Variants in PTPRQ observed in about 807,000 individuals in gnomAD.
PTPRQ encodes protein tyrosine phosphatase receptor type Q, also known as phosphatidylinositol phosphatase PTPRQ.
A neutral mutation model predicts 246.0 loss-of-function variants in PTPRQ; 199 were observed. The observed-to-expected ratio is 0.81, with a 90% CI of 0.72 to 0.91. PTPRQ has a LOEUF of 0.91. PTPRQ is among the 40% of genes least tolerant of loss of function. The pLI is 0.00. For synonymous variants in PTPRQ, 869 were observed against 853.2 expected (o/e 1.02, Z -0.32); for missense variants, 2,624 against 2,528.4 (o/e 1.04, Z -0.81).
At chr12:80,643,925 C>A (rs948383375) in intron 35 of PTPRQ, among the ~76,000 whole-genome samples, 1 of 152,162 alleles carries the variant, frequency 6.6e-6, no homozygotes, top group Non-Finnish European at 1.5e-5. Flanking sequence ...CACCAATTGA[C>A]AAATTTGAGA....
chr12:80,510,336 C>T lies in PTPRQ; in HGVS notation c.2571C>T (p.Pro857=). ...CTAACTTTACAGCTCCTGATTCTCC[C>T]CCTCAAGACTTCTCTGTAAAACAGT... The part of the protein sequence containing the change: ...ILTEEDAPDS[P]PQDFSVKQLS... Residue 857 remains proline, a synonymous_variant, in exon 17 of 45, where the codon CCC becomes CCT. Coordinates refer to ENST00000644991, the MANE Select transcript of PTPRQ (RefSeq NM_001145026.2). 6.5e-7 allele frequency: 1 copy of T among 1,544,724 alleles called. No homozygotes were observed. The highest frequency in any genetic ancestry group is 8.7e-7 in the Non-Finnish European group (1 of 1,143,540).
chr12:80,571,051 T>C (rs906599406), intron 25 of PTPRQ, among the ~76,000 whole-genome samples: 10 of 152,218 alleles, frequency 6.6e-5, no homozygotes, highest in Non-Finnish European at 1.3e-4. Flanking sequence ...TGCTAAGGAT[T>C]GTCTTTGCTA....
rs879824236 is a variant in PTPRQ, at chr12:80,500,848, A to G, written c.2272+4317A>G. Among the ~76,000 whole-genome samples, 33 of 152,034 alleles carry G rather than the reference A, an allele frequency of 2.2e-4. 1 individual carries two copies. The highest frequency in any genetic ancestry group is 2.9e-5 in the Non-Finnish European group (2 of 67,990). ...ATCAGAAAATTAGACATTAGAAAATAAATCAGTAAACAAATTTGTGATTTT... is the reference window on the plus strand; with the variant it reads ...ATCAGAAAATTAGACATTAGAAAATGAATCAGTAAACAAATTTGTGATTTT... On this transcript the variant is annotated intron_variant, in intron 14 of 44. Coordinates refer to ENST00000644991, the MANE Select transcript of PTPRQ (RefSeq NM_001145026.2).
chr12:80,641,111 C>T (rs1899839414), intron 35 of PTPRQ, among the ~76,000 whole-genome samples: 1 of 152,202 alleles, frequency 6.6e-6, no homozygotes, highest in Admixed American at 6.5e-5. Context: ...TGGCATATTT[C>T]ATGGAAACGT....
Position 80,546,655 on chromosome 12 carries a change from A to T in PTPRQ, c.3973A>T (p.Asn1325Tyr), listed in dbSNP as rs1231528344. The T allele has an allele frequency of 6.4e-7, 1 of 1,551,510 alleles. No individual in the cohort carries two copies. The highest frequency in any genetic ancestry group is 2.4e-5 in the East Asian group (1 of 40,868). The change falls in exon 24 of 45, where the codon AAT (asparagine) becomes TAT (tyrosine). Residue 1325 changes from asparagine to tyrosine, a missense_variant. Coordinates refer to ENST00000644991, the MANE Select transcript of PTPRQ (RefSeq NM_001145026.2). Reference sequence around the variant, plus strand: ...TGCGTTCACCAAAGTTGGAAATGGCAATCAATTTAGTAATGTAGTAAAATT... The same window carrying T: ...TGCGTTCACCAAAGTTGGAAATGGCTATCAATTTAGTAATGTAGTAAAATT... The part of the protein sequence containing the change: ...VSAFTKVGNG[N>Y]QFSNVVKFTT...
rs1010410835 is a variant in PTPRQ at position 80,613,792 on chromosome 12, G to A, written c.5119G>A (p.Ala1707Thr). 3 of 1,541,862 alleles carry A rather than the reference G, an allele frequency of 1.9e-6. No homozygotes were observed. The African/African-American group carries it at 4.1e-5, about 21-fold the overall frequency. The change falls in exon 29 of 45, where the codon GCA becomes ACA. Residue 1707 changes from alanine to threonine, a missense_variant. Coordinates refer to ENST00000644991, the MANE Select transcript of PTPRQ (RefSeq NM_001145026.2). ...IIQKTNTFVIAMLEGLKGGHT... is the reference protein window; with the variant it reads ...IIQKTNTFVITMLEGLKGGHT... ...ACAGAAAACCAACACATTCGTCATT[G>A]CAATGCTAGAAGGACTAAAAGGTGG... is the stretch of plus-strand genomic sequence containing the variant.
intron 14 of PTPRQ, among the ~76,000 whole-genome samples, chr12:80,504,886 CCT>C (rs1369437452): frequency 6.6e-6 from 1 of 151,886 alleles, no homozygotes; most frequent in Non-Finnish European, 1.5e-5. Flanking sequence ...TCCTTTCTGT[CCT>C]CTCTGCATGG....
chr12:80,464,192 A>G (rs1021026310), intron 6 of PTPRQ, among the ~76,000 whole-genome samples: 3 of 148,792 alleles, frequency 2.0e-5, no homozygotes, highest in African/African-American at 5.0e-5. Flanking sequence ...AGCAAATGGA[A>G]AACAAACAAA....
At chr12:80,547,944 G>A (rs1896357158) in intron 24 of PTPRQ, among the ~76,000 whole-genome samples, 1 of 152,080 alleles carries the variant, frequency 6.6e-6, no homozygotes, top group Admixed American at 6.6e-5. Flanking sequence ...GAAAAAATTA[G>A]TGAAGAACCT....
intron 23 of PTPRQ, among the ~76,000 whole-genome samples, chr12:80,543,455 CAAAT>C (rs1458412862): frequency 1.3e-5 from 2 of 152,030 alleles, no homozygotes; most frequent in East Asian, 3.9e-4. Flanking sequence ...CAAAGAGTCT[CAAAT>C]ATATGTCTGT....
chr12:80,670,290 T>G (rs906845425), intron 41 of PTPRQ, 54 bp from the exon 42 acceptor site: 9 of 1,540,308 alleles, frequency 5.8e-6, no homozygotes, highest in Non-Finnish European at 7.9e-6. Flanking sequence ...GCCTTCAACC[T>G]TCATTGTGGA....
intron 25 of PTPRQ, among the ~76,000 whole-genome samples, chr12:80,574,964 T>G (rs1197177986): frequency 6.6e-6 from 1 of 152,218 alleles, no homozygotes; most frequent in Non-Finnish European, 1.5e-5. Context: ...TCATACTTTA[T>G]TCTCTGACAC....
chr12:80,500,531 G>A (rs563100774), intron 14 of PTPRQ, among the ~76,000 whole-genome samples: 2 of 151,944 alleles, frequency 1.3e-5, no homozygotes, highest in African/African-American at 4.8e-5. Context: ...CAATCTAATG[G>A]GAAATTTTCA....
chr12:80,585,014 G>T (rs892336684), intron 25 of PTPRQ, among the ~76,000 whole-genome samples: 7 of 151,310 alleles, frequency 4.6e-5, no homozygotes, highest in African/African-American at 1.7e-4. Context: ...ATAAGCAATA[G>T]ATCTGTAAAT....
intron 8 of PTPRQ, among the ~76,000 whole-genome samples, chr12:80,473,075 ACAG>A (rs1893702998): frequency 6.6e-6 from 1 of 151,476 alleles, no homozygotes; most frequent in Admixed American, 6.6e-5. Context: ...ACACACACAC[ACAG>A]GTCATACATT....
At chr12:80,608,893 C>T (rs1412312541) in intron 27 of PTPRQ, among the ~76,000 whole-genome samples, 1 of 150,492 alleles carries the variant, frequency 6.6e-6, no homozygotes, top group East Asian at 2.0e-4. Flanking sequence ...TGAAATTAAG[C>T]CTAGTCTTAA....
chr12:80,600,865 A>G (rs796963714), intron 26 of PTPRQ, among the ~76,000 whole-genome samples: 11 of 151,912 alleles, frequency 7.2e-5, no homozygotes, highest in African/African-American at 2.7e-4. Context: ...TAACGGCCTT[A>G]CATTTTCTGG....
intron 33 of PTPRQ, among the ~76,000 whole-genome samples, chr12:80,623,683 G>A (rs1899082465): frequency 6.6e-6 from 1 of 152,178 alleles, no homozygotes; most frequent in African/African-American, 2.4e-5. Context: ...TATAGGAGCA[G>A]TGCTGAAAGG....
In PTPRQ at chr12:80,546,687, C is replaced by T. The variant is rs1261955135; in HGVS notation, c.4005C>T (p.Thr1335=). The change falls in exon 24 of 45, where the codon ACC becomes ACT. Residue 1335 remains threonine, a synonymous_variant. Transcript: ENST00000644991. Reference sequence around the variant, plus strand: ...TTAGTAATGTAGTAAAATTCACAACCCAAGAATCAGGTTAGATACAGTTTT... The same window carrying T: ...TTAGTAATGTAGTAAAATTCACAACTCAAGAATCAGGTTAGATACAGTTTT... The part of the protein sequence containing the change: ...NQFSNVVKFT[T]QESVPDVVQN... 16 of 1,550,834 alleles carry T rather than the reference C, an allele frequency of 1.0e-5. No individual in the cohort carries two copies. Among genetic ancestry groups the T allele is most frequent in the African/African-American group, 2.7e-5 (2 of 73,104 alleles).
Sources: gnomAD v4.1 joint callset for allele counts (sites outside exome capture counted in the v4.1 genomes callset) on GRCh38, gnomAD v4.1.1 for gene constraint, MANE v1.5 for transcripts, NCBI Gene and HGNC (gene_info 2026-07-23, HGNC 2026-07-21) for gene names.